Variants in RAB36 observed in about 807,000 individuals in gnomAD.
RAB36 encodes ras-related protein Rab-36.
In RAB36, 33 loss-of-function variants were observed where a neutral mutation model predicts 39.3. That is an observed-to-expected ratio of 0.84 (90% CI 0.64 to 1.12). The LOEUF is 1.12. RAB36 is among the 50% of genes most tolerant of loss of function. The pLI, the probability that RAB36 is intolerant of heterozygous loss-of-function variation, is 0.00. For synonymous variants in RAB36, 133 were observed against 140.2 expected (o/e 0.95, Z 0.36); for missense variants, 308 against 355.3 (o/e 0.87, Z 1.07).
downstream of RAB36, among the ~76,000 whole-genome samples, chr22:23,165,942 A>G (rs542756021): frequency 6.6e-6 from 1 of 151,976 alleles, no homozygotes; most frequent in Non-Finnish European, 1.5e-5. Context: ...GTCAGGAGAT[A>G]GAGACCATCC....
At chr22:23,156,128 AG>A in intron 6 of RAB36, 96 bp downstream of exon 6, 1 of 1,132,888 alleles carries the variant, frequency 8.8e-7, no homozygotes, top group Non-Finnish European at 1.3e-6. Flanking sequence ...CACAGGCACC[AG>A]TTTTTTGTCC....
chr22:23,147,768 G>A (rs1183761031), intron 2 of RAB36, among the ~76,000 whole-genome samples: 1 of 152,196 alleles, frequency 6.6e-6, no homozygotes, highest in African/African-American at 2.4e-5. Context: ...GAGGGGACTG[G>A]TTAAACAAGT....
At position 23,165,137 on chromosome 22, in the gene RAB36, T is replaced by C. The variant is rs943619008; in HGVS notation, c.*3573T>C. Among the ~76,000 whole-genome samples the C allele has an allele frequency of 3.3e-5, 5 of 152,130 alleles. No homozygotes were observed. Among genetic ancestry groups the C allele is most frequent in the Admixed American group, 1.3e-4 (2 of 15,272 alleles). On this transcript the variant is annotated 3_prime_UTR_variant, in exon 11 of 11. Coordinates refer to ENST00000263116, the MANE Select transcript of RAB36 (RefSeq NM_004914.5). The stretch of plus-strand genomic sequence containing the variant: ...GAGCCAGGACAGTGACCTCATCACC[T>C]CTACTGTCTCCCCTAGCACCTCTGG...
At chr22:23,146,117 C>A in intron 1 of RAB36, 1 of 683,974 alleles carries the variant, frequency 1.5e-6, no homozygotes, top group Non-Finnish European at 1.8e-6. Context: ...TGGGGCAGGC[C>A]TGGTTCCCCC....
At chr22:23,150,309 T>G (rs962871596) in intron 3 of RAB36, among the ~76,000 whole-genome samples, 155 bp downstream of exon 3, 1 of 149,632 alleles carries the variant, frequency 6.7e-6, no homozygotes, top group Non-Finnish European at 1.5e-5. Context: ...TTTTTCTTTT[T>G]TTTTTTTTTT....
chr22:23,145,664 TA>T (rs890566033), intron 1 of RAB36, 113 bp downstream of exon 1: 4 of 1,249,532 alleles, frequency 3.2e-6, no homozygotes, highest in Non-Finnish European at 3.3e-6. Context: ...CCCGCCCCTA[TA>T]ACTTGAAAGC....
intron 6 of RAB36, among the ~76,000 whole-genome samples, chr22:23,156,944 C>T (rs1211094023): frequency 1.3e-5 from 2 of 152,194 alleles, no homozygotes; most frequent in African/African-American, 2.4e-5. Context: ...TTCCCATCTG[C>T]CTTGGGAGGG....
At chr22:23,156,222 C>T (rs2071444663) in intron 6 of RAB36, 190 bp downstream of exon 6, 3 of 553,184 alleles carry the variant, frequency 5.4e-6, no homozygotes, top group Admixed American at 3.4e-5. Context: ...CTGACTTTGG[C>T]GATCACACCC....
At position 23,162,338 on chromosome 22, in the gene RAB36, G is replaced by A. The variant is rs186076075; in HGVS notation, c.*774G>A. On this transcript the variant is annotated 3_prime_UTR_variant, in exon 11 of 11. Transcript: ENST00000263116. Reference sequence around the variant, plus strand: ...GACAGTGCATTTACCTGTGTGCTGCGGGAGGCAGACTGCACAGCTGTCCTA... The same window carrying A: ...GACAGTGCATTTACCTGTGTGCTGCAGGAGGCAGACTGCACAGCTGTCCTA... 4 of 307,792 alleles carry A rather than the reference G, an allele frequency of 1.3e-5. No individual in the cohort carries two copies. The highest frequency in any genetic ancestry group is 6.5e-5 in the African/African-American group (3 of 46,236). The allele number at this position is 307,792 out of a possible 1,614,324, so 19.1% of individuals were successfully genotyped here.
chr22:23,155,360 A>G (rs2071395117), intron 5 of RAB36, among the ~76,000 whole-genome samples: 1 of 152,142 alleles, frequency 6.6e-6, no homozygotes. Flanking sequence ...GACATCATTA[A>G]TCGATTGTTG....
chr22:23,167,126 C>CCT (rs1569227472), downstream of RAB36, among the ~76,000 whole-genome samples: 10 of 152,068 alleles, frequency 6.6e-5, no homozygotes, highest in Non-Finnish European at 1.3e-4. Context: ...TGCTGCCAAC[C>CCT]CCACTTGGAG....
intron 6 of RAB36, 59 bp from the exon 7 acceptor site, chr22:23,157,933 A>T (rs2071552116): frequency 1.2e-6 from 2 of 1,609,412 alleles, no homozygotes; most frequent in Non-Finnish European, 1.7e-6. Flanking sequence ...CCTCCTGGGG[A>T]GCCCCCTTGC....
chr22:23,151,340 C>T (rs2071112641), intron 3 of RAB36, among the ~76,000 whole-genome samples: 1 of 152,190 alleles, frequency 6.6e-6, no homozygotes, highest in African/African-American at 2.4e-5. Context: ...GCTGTAAGAC[C>T]TTGTCAACAC....
At position 23,158,950 on chromosome 22, in the gene RAB36, T is replaced by C; in HGVS notation, c.499T>C (p.Phe167Leu). The change falls in exon 8 of 11, where the codon TTC (phenylalanine) becomes CTC (leucine). Residue 167 changes from phenylalanine to leucine, a missense_variant. Phe to Leu is a conservative substitution (Grantham distance 22). Transcript: ENST00000263116. ...RENEAGSCFI[F>L]LVGTKKDLLS... ...GAACGAGGCAGGCTCCTGCTTCATCTTCCTCGTGGGAACCAAGAAGGACCT... is the reference window on the plus strand; with the variant it reads ...GAACGAGGCAGGCTCCTGCTTCATCCTCCTCGTGGGAACCAAGAAGGACCT... 6.2e-7 allele frequency: 1 copy of C among 1,614,170 alleles called. No individual in the cohort carries two copies.
chr22:23,166,539 T>G (rs1408642503), downstream of RAB36, among the ~76,000 whole-genome samples: 3 of 152,096 alleles, frequency 2.0e-5, no homozygotes, highest in Non-Finnish European at 4.4e-5. Flanking sequence ...AAAGCCTGCT[T>G]TAGCCTCTCC....
At chr22:23,160,054 A>G (rs2071685761) in intron 9 of RAB36, among the ~76,000 whole-genome samples, 1 of 152,230 alleles carries the variant, frequency 6.6e-6, no homozygotes. Context: ...GGCCTGGCAC[A>G]TAATAGGCCC....
chr22:23,160,605 A>G (rs1323363207), intron 9 of RAB36, among the ~76,000 whole-genome samples: 1 of 152,200 alleles, frequency 6.6e-6, no homozygotes, highest in Admixed American at 6.5e-5. Flanking sequence ...GCAAAGGCTC[A>G]GAAGTTTGAG....
At chr22:23,155,586 G>A (rs976655234) in intron 5 of RAB36, among the ~76,000 whole-genome samples, 16 of 152,206 alleles carry the variant, frequency 1.1e-4, no homozygotes, top group African/African-American at 3.6e-4. Context: ...CCCGCCTGGA[G>A]CCCCAGTGCC....
chr22:23,166,308 G>A (rs1306613575), downstream of RAB36, among the ~76,000 whole-genome samples: 1 of 143,820 alleles, frequency 7.0e-6, no homozygotes, highest in Non-Finnish European at 1.5e-5. Flanking sequence ...TGTGGGAGGG[G>A]ATTTCATAAG....
Sources: gnomAD v4.1 joint callset for allele counts (sites outside exome capture counted in the v4.1 genomes callset) on GRCh38, gnomAD v4.1.1 for gene constraint, MANE v1.5 for transcripts, NCBI Gene and HGNC (gene_info 2026-07-23, HGNC 2026-07-21) for gene names.